Variants in SULF2 observed in about 807,000 individuals in gnomAD.
SULF2 encodes extracellular sulfatase Sulf-2.
A neutral mutation model predicts 107.7 loss-of-function variants in SULF2; 52 were observed. The observed-to-expected ratio is 0.48, with a 90% CI of 0.39 to 0.61. The LOEUF is 0.61. SULF2 is among the 20% of genes least tolerant of loss of function. The pLI is 0.00. For missense variants in SULF2, 993 were observed against 1,177.3 expected (o/e 0.84, Z 2.29); for synonymous variants, 460 against 464.3 (o/e 0.99, Z 0.12).
chr20:47,695,125 G>T (rs926314309), intron 4 of SULF2, among the ~76,000 whole-genome samples: 2 of 152,164 alleles, frequency 1.3e-5, no homozygotes, highest in Non-Finnish European at 2.9e-5. Context: ...CAGGCCCCCT[G>T]TCTCTGTTGC....
intron 2 of SULF2, among the ~76,000 whole-genome samples, chr20:47,748,339 G>T (rs1486161168): frequency 1.3e-5 from 2 of 152,192 alleles, no homozygotes; most frequent in African/African-American, 2.4e-5. Flanking sequence ...TCATGACACA[G>T]GTCTCCCCAG....
intron 7 of SULF2, among the ~76,000 whole-genome samples, chr20:47,681,141 C>T (rs570586716): frequency 7.2e-5 from 11 of 152,140 alleles, no homozygotes; most frequent in Non-Finnish European, 1.6e-4. Flanking sequence ...GCCAATTCGG[C>T]GGAAGTGGGA....
At chr20:47,763,431 G>A (rs942498657) in intron 1 of SULF2, among the ~76,000 whole-genome samples, 1 of 152,164 alleles carries the variant, frequency 6.6e-6, no homozygotes, top group Non-Finnish European at 1.5e-5. Context: ...GACCCAGATG[G>A]GCTGTTTTCC....
In SULF2 at chr20:47,659,615, G is replaced by C. The variant is rs1602568464; in HGVS notation, c.2528+82C>G. ...GGAAGGGCAGTTTCTCAAGATAACA[G>C]GTGCAGACTCACAGAGATGAGACTG... On this transcript the variant is annotated intron_variant, in intron 19 of 20. Transcript: ENST00000688720. 66 of 1,399,354 alleles carry C rather than the reference G, an allele frequency of 4.7e-5. No individual in the cohort carries two copies. In the East Asian group the frequency reaches 8.0e-4, roughly 17 times the overall value. The allele number at this position is 1,399,354 out of a possible 1,614,324, so 86.7% of individuals were successfully genotyped here.
At chr20:47,777,122 A>G (rs4809651) in intron 1 of SULF2, among the ~76,000 whole-genome samples, 3 of 152,334 alleles carry the variant, frequency 2.0e-5, no homozygotes, top group African/African-American at 7.2e-5. Flanking sequence ...AAATAAGCAA[A>G]CCAGGCTAAT....
chr20:47,785,025 CT>C (rs890717131), intron 1 of SULF2, among the ~76,000 whole-genome samples: 3 of 152,108 alleles, frequency 2.0e-5, no homozygotes, highest in Non-Finnish European at 4.4e-5. Context: ...GCGCGCTCCC[CT>C]ACCCGGGGCC....
intron 13 of SULF2, 44 bp downstream of exon 13, chr20:47,665,813 C>T (rs1242629041): frequency 6.5e-7 from 1 of 1,548,866 alleles, no homozygotes; most frequent in Non-Finnish European, 8.9e-7. Flanking sequence ...TCCTGCCAGG[C>T]CCGTGGTGGC....
Position 47,736,862 on chromosome 20 carries a change from G to C in SULF2, c.256C>G (p.Pro86Ala). 1.2e-6 allele frequency: 2 copies of C among 1,614,262 alleles called. No individual in the cohort carries two copies. The highest frequency in any genetic ancestry group is 1.7e-6 in the Non-Finnish European group (2 of 1,180,036). The change falls in exon 3 of 21, where the codon CCC (proline) becomes GCC (alanine). Residue 86 changes from proline (P) to alanine (A), a missense_variant. Physicochemically the swap from Pro to Ala is conservative, Grantham distance 27. Transcript: ENST00000688720. The stretch of plus-strand genomic sequence containing the variant: ...GAGGAGCGTGAGGGGCAGCACATGG[G>C]TGTGGTCACGAAGGCGTTGATGAAG... Reference protein sequence around the residue: ...AHFINAFVTTPMCCPSRSSIL... With the variant: ...AHFINAFVTTAMCCPSRSSIL...
chr20:47,684,403 C>A, intron 6 of SULF2, 28 bp downstream of exon 6: 2 of 1,587,034 alleles, frequency 1.3e-6, no homozygotes, highest in Non-Finnish European at 8.6e-7. Context: ...GAGCCACGCC[C>A]ACCAAGAGGC....
intron 9 of SULF2, 179 bp from the exon 10 acceptor site, chr20:47,676,802 A>G: frequency 1.4e-6 from 1 of 738,374 alleles, no homozygotes. Flanking sequence ...TTGGAATTTT[A>G]TAAGAAACTT....
At chr20:47,745,684 A>G (rs2090019791) in intron 2 of SULF2, among the ~76,000 whole-genome samples, 1 of 151,414 alleles carries the variant, frequency 6.6e-6, no homozygotes, top group Non-Finnish European at 1.5e-5. Flanking sequence ...TCCCACTATC[A>G]TTCCCGGCTA....
intron 3 of SULF2, among the ~76,000 whole-genome samples, chr20:47,707,156 T>G (rs1353009799): frequency 3.4e-5 from 5 of 148,380 alleles, no homozygotes; most frequent in Admixed American, 1.3e-4. Context: ...ACCTGGCTAA[T>G]TTTTGTATTT....
rs561841059 is a variant in SULF2, at chr20:47,749,505, C to G, written c.175+7684G>C. Among the ~76,000 whole-genome samples the G allele has an allele frequency of 3.3e-5, 5 of 152,316 alleles. No individual in the cohort carries two copies. The South Asian group carries it at 1.0e-3, about 32-fold the overall frequency. ...GCTAGAAGGCCAGGAGGTGGGATCT[C>G]AGAGAGGCTGAGCTGGAAGTTACCA... On this transcript the variant is annotated intron_variant, in intron 2 of 20. Coordinates refer to ENST00000688720, the MANE Select transcript of SULF2 (RefSeq NM_001387048.1).
chr20:47,748,279 G>A (rs570230759), intron 2 of SULF2, among the ~76,000 whole-genome samples: 15 of 152,210 alleles, frequency 9.9e-5, no homozygotes, highest in African/African-American at 2.9e-4. Flanking sequence ...TGCACGTGCC[G>A]TGCTTCTGCC....
chr20:47,721,572 G>A (rs1321699514), intron 3 of SULF2, among the ~76,000 whole-genome samples: 2 of 152,134 alleles, frequency 1.3e-5, no homozygotes, highest in Non-Finnish European at 2.9e-5. Flanking sequence ...GTTTCACCAC[G>A]TTGGTCAGGC....
chr20:47,680,195 C>A lies in SULF2; in HGVS notation c.1065-1391G>T, dbSNP rs898944904. ...TCCTGGCTCACTGCAACCTCCACCT[C>A]CTGGGTTCAAGCGATTCTCATGCCT... is the stretch of plus-strand genomic sequence containing the variant. On this transcript the variant is annotated intron_variant, in intron 7 of 20. Coordinates refer to ENST00000688720, the MANE Select transcript of SULF2 (RefSeq NM_001387048.1). The surrounding 1 kb of genome is among the most constrained non-coding windows in gnomAD (Gnocchi z 4.2). 3.3e-4 allele frequency among the ~76,000 whole-genome samples: 50 copies of A among 152,224 alleles called. No individual in the cohort carries two copies. Among genetic ancestry groups the A allele is most frequent in the African/African-American group, 1.2e-3 (48 of 41,462 alleles).
intron 1 of SULF2, among the ~76,000 whole-genome samples, chr20:47,764,062 C>T (rs1268581282): frequency 2.0e-5 from 3 of 152,226 alleles, no homozygotes; most frequent in African/African-American, 7.2e-5. Context: ...GCACAGCCCA[C>T]CCCAGGGCCC....
intron 11 of SULF2, among the ~76,000 whole-genome samples, chr20:47,668,425 C>T (rs967601626): frequency 6.6e-6 from 1 of 152,222 alleles, no homozygotes; most frequent in Admixed American, 6.5e-5. Flanking sequence ...TGGACTGAAG[C>T]CACACTACCT....
chr20:47,663,631 G>C lies in SULF2; in HGVS notation c.2058-9C>G. The C allele has an allele frequency of 6.4e-7, 1 of 1,570,940 alleles. No homozygotes were observed. The highest frequency in any genetic ancestry group is 8.6e-7 in the Non-Finnish European group (1 of 1,159,208). On this transcript the variant is annotated splice_polypyrimidine_tract_variant and intron_variant, in intron 15 of 20. Transcript: ENST00000688720. The stretch of plus-strand genomic sequence containing the variant: ...TCTCTTGCAGGCCCTTCCTATGGGC[G>C]CAGAGGGCCACACACACCTTGGGCC...
Sources: gnomAD v4.1 joint callset for allele counts (sites outside exome capture counted in the v4.1 genomes callset) on GRCh38, gnomAD v4.1.1 for gene constraint, Gnocchi (gnomAD v3.1) non-coding constraint, MANE v1.5 for transcripts, NCBI Gene and HGNC (gene_info 2026-07-23, HGNC 2026-07-21) for gene names.